Variants in MPPED2 observed in about 807,000 individuals in gnomAD.
MPPED2 encodes the protein metallophosphoesterase domain containing 2.
A neutral mutation model predicts 33.0 loss-of-function variants in MPPED2; 5 were observed. That is an observed-to-expected ratio of 0.15 (90% CI 0.08 to 0.32). MPPED2 has a LOEUF of 0.32. Ranked by LOEUF, MPPED2 falls within the 10% of genes least tolerant of loss-of-function variation. MPPED2 has a pLI of 1.00. For missense variants in MPPED2, 275 were observed against 372.1 expected, an observed-to-expected ratio of 0.74 and a Z score of 2.15; for synonymous variants, 136 against 141.9, an observed-to-expected ratio of 0.96 and a Z score of 0.29.
At chr11:30,581,544 CAGAAT>C (rs1427809119) in intron 1 of MPPED2, among the ~76,000 whole-genome samples, 5 of 152,150 alleles carry the variant, frequency 3.3e-5, no homozygotes, top group Non-Finnish European at 5.9e-5. Flanking sequence ...TGCACAACGT[CAGAAT>C]AGGTTTGCCA....
chr11:30,483,643 T>G (rs1951592976), intron 4 of MPPED2, among the ~76,000 whole-genome samples: 1 of 152,198 alleles, frequency 6.6e-6, no homozygotes, highest in Non-Finnish European at 1.5e-5. Flanking sequence ...GATGACTGAC[T>G]CAATAAGAGG....
chr11:30,563,381 C>A (rs758327760), intron 2 of MPPED2, among the ~76,000 whole-genome samples: 5 of 152,256 alleles, frequency 3.3e-5, no homozygotes, highest in Admixed American at 6.5e-5. Flanking sequence ...AGGGTTTGGG[C>A]TCCTATCAGA....
intron 5 of MPPED2, among the ~76,000 whole-genome samples, chr11:30,414,552 T>C (rs1162588229): frequency 6.6e-6 from 1 of 152,030 alleles, no homozygotes; most frequent in Non-Finnish European, 1.5e-5. Context: ...TTCCATTTTT[T>C]TTTCTTCCTG....
intron 4 of MPPED2, among the ~76,000 whole-genome samples, chr11:30,494,719 C>CAG (rs1472716906): frequency 2.3e-5 from 2 of 88,714 alleles, no homozygotes; most frequent in South Asian, 8.5e-4. Flanking sequence ...GCCTGGGCAA[C>CAG]AGAGAGATAC....
At chr11:30,542,960 G>C (rs1955208859) in intron 2 of MPPED2, among the ~76,000 whole-genome samples, 1 of 152,086 alleles carries the variant, frequency 6.6e-6, no homozygotes, top group Non-Finnish European at 1.5e-5. Flanking sequence ...TTAATATCTA[G>C]AGAGACAGTC....
intron 4 of MPPED2, among the ~76,000 whole-genome samples, chr11:30,446,629 G>T (rs184401056): frequency 6.6e-6 from 1 of 152,272 alleles, no homozygotes. Flanking sequence ...TACAGAGCCT[G>T]CTCAGTAAAG....
intron 3 of MPPED2, among the ~76,000 whole-genome samples, chr11:30,507,143 C>T (rs1435124867): frequency 6.6e-6 from 1 of 152,158 alleles, no homozygotes; most frequent in Non-Finnish European, 1.5e-5. Flanking sequence ...GTACTTTTGT[C>T]AATAAGCAAA....
intron 3 of MPPED2, among the ~76,000 whole-genome samples, chr11:30,496,095 G>A (rs1020722824): frequency 6.6e-6 from 1 of 152,076 alleles, no homozygotes; most frequent in African/African-American, 2.4e-5. Context: ...ATTAGTAAGG[G>A]CCCCCTGATT....
At chr11:30,463,023 C>T (rs1950568474) in intron 4 of MPPED2, among the ~76,000 whole-genome samples, 1 of 152,160 alleles carries the variant, frequency 6.6e-6, no homozygotes, top group Non-Finnish European at 1.5e-5. Flanking sequence ...AAACAAGAGT[C>T]AGCAATAGTT....
intron 4 of MPPED2, among the ~76,000 whole-genome samples, chr11:30,461,170 C>T (rs1413572317): frequency 2.0e-5 from 3 of 152,076 alleles, no homozygotes; most frequent in African/African-American, 4.8e-5. Context: ...TAGTCAAGTT[C>T]GTATAGACGG....
chr11:30,401,540 G>A (rs1229542528), intron 6 of MPPED2, among the ~76,000 whole-genome samples: 2 of 152,188 alleles, frequency 1.3e-5, no homozygotes, highest in African/African-American at 2.4e-5. Context: ...CTAGAATAGG[G>A]CTAAAACCGA....
chr11:30,476,766 T>C (rs1951223042), intron 4 of MPPED2, among the ~76,000 whole-genome samples: 1 of 152,068 alleles, frequency 6.6e-6, no homozygotes, highest in Admixed American at 6.6e-5. Flanking sequence ...TTGTTTATTT[T>C]CAAAGCCCAA....
At chr11:30,442,599 T>C (rs1490220903) in intron 4 of MPPED2, among the ~76,000 whole-genome samples, 1 of 152,224 alleles carries the variant, frequency 6.6e-6, no homozygotes, top group East Asian at 1.9e-4. Context: ...TATCGAACAG[T>C]GGCTACAGTG....
At chr11:30,415,035 T>C (rs1039061454) in intron 5 of MPPED2, among the ~76,000 whole-genome samples, 1 of 152,198 alleles carries the variant, frequency 6.6e-6, no homozygotes, top group Non-Finnish European at 1.5e-5. Context: ...ATCTGGATGA[T>C]TATGGCCTGG....
intron 3 of MPPED2, among the ~76,000 whole-genome samples, chr11:30,505,957 G>T (rs758683397): frequency 4.6e-5 from 7 of 152,092 alleles, no homozygotes; most frequent in Non-Finnish European, 8.8e-5. Flanking sequence ...CTTATGAAGT[G>T]GGTATGGGGA....
chr11:30,430,210 G>A (rs911296733), intron 4 of MPPED2, among the ~76,000 whole-genome samples: 8 of 152,086 alleles, frequency 5.3e-5, no homozygotes, highest in African/African-American at 1.9e-4. Context: ...TAAAAATACT[G>A]GATTAGACAT....
chr11:30,568,338 C>T (rs758488185), intron 2 of MPPED2, among the ~76,000 whole-genome samples: 3 of 152,148 alleles, frequency 2.0e-5, no homozygotes, highest in Non-Finnish European at 2.9e-5. Context: ...ACTCTATTCT[C>T]AAATGCTCCC....
chr11:30,473,473 G>C, intron 4 of MPPED2, among the ~76,000 whole-genome samples: 1 of 152,092 alleles, frequency 6.6e-6, no homozygotes, highest in South Asian at 2.1e-4. Context: ...AGAGATATTA[G>C]CAAAGTATTT....
chr11:30,384,987 C>A (rs1461490541), exon 7 of MPPED2: 6 of 152,122 alleles, frequency 3.9e-5, no homozygotes, highest in Admixed American at 3.9e-4. Context: ...CTGTATGTGC[C>A]TGTGTGTAAT....
Sources: allele counts gnomAD v4.1 joint callset (sites outside exome capture counted in the v4.1 genomes callset), GRCh38; gene constraint gnomAD v4.1.1; transcripts MANE v1.5; gene names NCBI Gene and HGNC (gene_info 2026-07-23, HGNC 2026-07-21).